The following HELZ variants were observed in gnomAD, a reference collection of about 807,000 sequenced individuals.
The protein encoded by HELZ is helicase with zinc finger.
HELZ carries 23 observed loss-of-function variants against 218.2 expected under a neutral mutation model. The observed-to-expected ratio is 0.11, with a 90% CI of 0.08 to 0.15. The LOEUF is 0.15. HELZ is among the 10% of genes least tolerant of loss of function. HELZ has a pLI of 1.00. For missense variants in HELZ, 1,813 were observed against 2,353.7 expected (o/e 0.77, Z 4.75); for synonymous variants, 814 against 829.4 (o/e 0.98, Z 0.32).
chr17:67,078,447 C>T lies in HELZ; in HGVS notation c.5634G>A (p.Ser1878=), dbSNP rs778786355. Residue 1878 remains serine, a synonymous_variant, in exon 33 of 33, where the codon TCG becomes TCA. Transcript: ENST00000358691. ...PLMPNKQIAE[S]ANSSSPQSSA... ...AGCTCTGGGGGCTACTGCTATTGGC[C>T]GACTCCGCGATCTGCTTGTTAGGCA... 22 of 1,592,846 alleles carry T rather than the reference C, an allele frequency of 1.4e-5. No individual in the cohort carries two copies. Among genetic ancestry groups the T allele is most frequent in the South Asian group, 4.5e-5 (4 of 87,916 alleles).
At position 67,218,069 on chromosome 17, in the gene HELZ, G is replaced by A. The variant is rs955708616; in HGVS notation, c.210+526C>T. ...CCTGGCTCAGCCTCCTGAGTAGCTG[G>A]GATTATAGGCACGCGCTACCACGCC... On this transcript the variant is annotated intron_variant, in intron 4 of 32. Transcript: ENST00000358691. 3.3e-5 allele frequency among the ~76,000 whole-genome samples: 5 copies of A among 151,766 alleles called. No individual in the cohort carries two copies. In the East Asian group the frequency reaches 5.8e-4, roughly 18 times the overall value.
intron 31 of HELZ, among the ~76,000 whole-genome samples, chr17:67,104,013 C>A (rs891746399): frequency 1.3e-5 from 2 of 152,116 alleles, no homozygotes; most frequent in Admixed American, 1.3e-4. Flanking sequence ...TTTTCAAAAG[C>A]GGTGCTGAGA....
rs545323752 is a variant in HELZ, at chr17:67,160,997, T to C, written c.1975A>G (p.Ile659Val). 6.8e-6 allele frequency: 11 copies of C among 1,613,962 alleles called. No homozygotes were observed. The highest frequency in any genetic ancestry group is 1.1e-5 in the South Asian group (1 of 91,050). The stretch of plus-strand genomic sequence containing the variant: ...ATGATAAGCACAGGCGGCAGCTGGA[T>C]TGCAAGTGGAGTGGTAATGGCCAGA... ...AVLAITTPLA[I>V]QLPPVLIIGP... The change falls in exon 16 of 33, where the codon ATC (isoleucine) becomes GTC (valine). Residue 659 changes from isoleucine to valine, a missense_variant. Physicochemically the swap from Ile to Val is conservative, Grantham distance 29. Transcript: ENST00000358691.
At chr17:67,243,967 G>A in intron 1 of HELZ, 128 bp from the exon 2 acceptor site, 2 of 985,170 alleles carry the variant, frequency 2.0e-6, no homozygotes, top group Non-Finnish European at 2.4e-6. Flanking sequence ...AAATGGTACA[G>A]TGTGCAGCTT....
intron 5 of HELZ, 78 bp from the exon 6 acceptor site, chr17:67,203,521 T>C: frequency 6.6e-7 from 1 of 1,524,772 alleles, no homozygotes; most frequent in Admixed American, 1.9e-5. Flanking sequence ...TAACACACTA[T>C]CACAAGCGTG....
intron 3 of HELZ, among the ~76,000 whole-genome samples, chr17:67,237,643 C>A (rs1318675909): frequency 1.3e-5 from 2 of 152,222 alleles, no homozygotes; most frequent in East Asian, 3.9e-4. Flanking sequence ...TGGAGATATT[C>A]TTTTAAGTCT....
At chr17:67,175,906 AATATG>A (rs778010648) in intron 13 of HELZ, among the ~76,000 whole-genome samples, 142 of 152,308 alleles carry the variant, frequency 9.3e-4, no homozygotes, top group Admixed American at 2.4e-3. Flanking sequence ...TGAGTCAATA[AATATG>A]ATATAACTTT....
Position 67,109,303 on chromosome 17 carries a change from A to G in HELZ, c.4302T>C (p.Ser1434=), listed in dbSNP as rs1363021869. 1 of 1,614,044 alleles carries G rather than the reference A, an allele frequency of 6.2e-7. No individual in the cohort carries two copies. Among genetic ancestry groups the G allele is most frequent in the Non-Finnish European group, 8.5e-7 (1 of 1,180,052 alleles). ...QAGPNNAFFN[S]AVAHRPQSPP... ...GAGACTGTGGCCGATGAGCAACTGC[A>G]CTATTAAAAAAAGCATTGTTGGGTC... is the stretch of plus-strand genomic sequence containing the variant. Residue 1434 remains serine, a synonymous_variant, in exon 29 of 33, where the codon AGT becomes AGC. Transcript: ENST00000358691.
intron 31 of HELZ, among the ~76,000 whole-genome samples, chr17:67,087,622 C>A (rs977891350): frequency 6.6e-6 from 1 of 152,108 alleles, no homozygotes; most frequent in Non-Finnish European, 1.5e-5. Context: ...TCCTGTCCAA[C>A]GTAAGTACTC....
At chr17:67,178,029 T>C (rs915104857) in intron 13 of HELZ, among the ~76,000 whole-genome samples, 2 of 152,162 alleles carry the variant, frequency 1.3e-5, no homozygotes, top group African/African-American at 4.8e-5. Flanking sequence ...TTATCTAAAA[T>C]ATATTAATAG....
intron 31 of HELZ, among the ~76,000 whole-genome samples, chr17:67,102,232 C>T (rs748307128): frequency 6.6e-6 from 1 of 152,128 alleles, no homozygotes; most frequent in Non-Finnish European, 1.5e-5. Flanking sequence ...GGGGGAAGGG[C>T]AGAGAGAAAT....
At chr17:67,201,433 T>G (rs781643722) in intron 6 of HELZ, among the ~76,000 whole-genome samples, 2 of 152,178 alleles carry the variant, frequency 1.3e-5, no homozygotes, top group Non-Finnish European at 2.9e-5. Flanking sequence ...TCACCTTACA[T>G]TAATTAAAAT....
rs2038946722 is a variant in HELZ at position 67,159,808 on chromosome 17, T to A, written c.2177+453A>T. 2.0e-5 allele frequency among the ~76,000 whole-genome samples: 3 copies of A among 152,320 alleles called. No homozygotes were observed. The South Asian group carries it at 6.2e-4, about 32-fold the overall frequency. ...CATTTTGTTGCAGAAATCATTTCAG[T>A]ATTTCATGTTTATCTAATGTGTAGC... On this transcript the variant is annotated intron_variant, in intron 17 of 32. Transcript: ENST00000358691.
intron 23 of HELZ, among the ~76,000 whole-genome samples, chr17:67,130,116 C>T (rs1258465534): frequency 6.6e-6 from 1 of 152,026 alleles, no homozygotes. Flanking sequence ...TGCCTTATAT[C>T]CATCTTTCCT....
At position 67,078,327 on chromosome 17, in the gene HELZ, G is replaced by T. The variant is rs1467599069; in HGVS notation, c.5754C>A (p.Asp1918Glu). The change falls in exon 33 of 33, where the codon GAC becomes GAA. Residue 1918 changes from aspartate (D) to glutamate (E), a missense_variant. Physicochemically the swap from Asp to Glu is conservative, Grantham distance 45. Coordinates refer to ENST00000358691, the MANE Select transcript of HELZ (RefSeq NM_014877.4). ...TCAGTTCCTGGAAGAGAGACAGAGGGTCGCTACTCTTCTTGGCCTGCTCAG... is the reference window on the plus strand; with the variant it reads ...TCAGTTCCTGGAAGAGAGACAGAGGTTCGCTACTCTTCTTGGCCTGCTCAG... ...PPPEQAKKSS[D>E]PLSLFQELSL... 1.2e-6 allele frequency: 2 copies of T among 1,614,094 alleles called. No individual in the cohort carries two copies. The highest frequency in any genetic ancestry group is 2.2e-5 in the South Asian group (2 of 91,082).
At chr17:67,244,620 G>A (rs2041420540) in intron 1 of HELZ, 4 of 903,924 alleles carry the variant, frequency 4.4e-6, no homozygotes, top group Non-Finnish European at 5.3e-6. Flanking sequence ...CGGGCCGAGA[G>A]CCCTCCGCGG....
chr17:67,089,474 C>T (rs771778730), intron 31 of HELZ, among the ~76,000 whole-genome samples: 30 of 151,500 alleles, frequency 2.0e-4, no homozygotes, highest in Middle Eastern at 3.4e-3. Context: ...CAGCAGGCTC[C>T]GGGGAAGTAT....
intron 31 of HELZ, among the ~76,000 whole-genome samples, chr17:67,091,511 G>T (rs772686415): frequency 3.9e-5 from 6 of 152,018 alleles, no homozygotes; most frequent in Non-Finnish European, 8.8e-5. Context: ...TGAAACAATA[G>T]ATCTAAGCAA....
chr17:67,099,536 T>C (rs957980722), intron 31 of HELZ, among the ~76,000 whole-genome samples: 9 of 152,184 alleles, frequency 5.9e-5, no homozygotes, highest in African/African-American at 2.2e-4. Context: ...TAAAATGTAA[T>C]GCTAACATTT....
Sources: gnomAD v4.1 joint callset for allele counts (sites outside exome capture counted in the v4.1 genomes callset) on GRCh38, gnomAD v4.1.1 for gene constraint, MANE v1.5 for transcripts, NCBI Gene and HGNC (gene_info 2026-07-23, HGNC 2026-07-21) for gene names.